Variants in SKP1 observed in about 807,000 individuals in gnomAD.
SKP1 encodes S-phase kinase-associated protein 1.
In SKP1, 1 loss-of-function variant was observed where a neutral mutation model predicts 21.5. That is an observed-to-expected ratio of 0.05 (90% CI 0.02 to 0.22). The LOEUF is 0.22. SKP1 is among the 10% of genes least tolerant of loss of function. The pLI is 1.00. For missense variants in SKP1, 70 were observed against 192.0 expected, an observed-to-expected ratio of 0.36 and a Z score of 3.76; for synonymous variants, 59 against 59.3, an observed-to-expected ratio of 0.99 and a Z score of 0.03.
chr5:134,158,650 CAA>C (rs1561718124), intron 4 of SKP1, 55 bp from the exon 5 acceptor site: 1 of 1,459,720 alleles, frequency 6.9e-7, no homozygotes, highest in Admixed American at 1.7e-5. Flanking sequence ...AAACTAAATC[CAA>C]AGTTAATGAT....
chr5:134,161,241 G>A (rs756865873), intron 3 of SKP1, 111 bp from the exon 4 acceptor site: 46 of 961,786 alleles, frequency 4.8e-5, no homozygotes, highest in Middle Eastern at 2.8e-4. Flanking sequence ...AGGTTGACTT[G>A]AGCCATTAAC....
At chr5:134,164,173 T>C (rs1181668725) in intron 3 of SKP1, among the ~76,000 whole-genome samples, 2 of 151,772 alleles carry the variant, frequency 1.3e-5, no homozygotes, top group African/African-American at 4.8e-5. Flanking sequence ...ATACAAAAAA[T>C]TAGCCGGGCG....
intron 4 of SKP1, among the ~76,000 whole-genome samples, chr5:134,159,701 C>T (rs917198194): frequency 6.6e-6 from 1 of 152,194 alleles, no homozygotes; most frequent in Non-Finnish European, 1.5e-5. Context: ...GTTCCTGCCA[C>T]CCCACCCGGC....
intron 2 of SKP1, among the ~76,000 whole-genome samples, chr5:134,167,909 T>C (rs1308378880): frequency 2.6e-5 from 4 of 152,218 alleles, no homozygotes; most frequent in Admixed American, 2.6e-4. Context: ...GACTTGAGTA[T>C]TGGTGGATTT....
At position 134,155,118 on chromosome 5, in the gene SKP1, T is replaced by G. The variant is rs1175831597; in HGVS notation, c.*2615A>C. ...AGATCTATAAAACCGTAGTACCTATTTCCAACTTGCCCAAGGCCATGAAGA... is the reference window on the plus strand; with the variant it reads ...AGATCTATAAAACCGTAGTACCTATGTCCAACTTGCCCAAGGCCATGAAGA... On this transcript the variant is annotated 3_prime_UTR_variant, in exon 6 of 6. Transcript: ENST00000353411. 6.6e-6 allele frequency: 1 copy of G among 152,214 alleles called. No individual in the cohort carries two copies. Among genetic ancestry groups the G allele is most frequent in the Non-Finnish European group, 1.5e-5 (1 of 68,046 alleles). The allele number at this position is 152,214 out of a possible 1,614,324, so 9.4% of individuals were successfully genotyped here.
chr5:134,150,792 C>T lies in SKP1; in HGVS notation c.*6941G>A, dbSNP rs560241509. On this transcript the variant is annotated 3_prime_UTR_variant, in exon 6 of 6. Transcript: ENST00000353411. ...ATGGGCATCTTTCAAATTCTGACTC[C>T]TGAGCTCTTCTCTAATAGTTTGGAG... The T allele has an allele frequency of 5.9e-5, 9 of 152,330 alleles. No individual in the cohort carries two copies. Among genetic ancestry groups the T allele is most frequent in the African/African-American group, 1.9e-4 (8 of 41,566 alleles). 9.4% of individuals were successfully genotyped at this position (152,330 alleles called of 1,614,324 possible). A position where few individuals can be genotyped will look rare whatever the true frequency, so the allele number is the denominator to read the frequency against.
chr5:134,166,333 A>G (rs1761330413), intron 3 of SKP1, among the ~76,000 whole-genome samples: 1 of 151,992 alleles, frequency 6.6e-6, no homozygotes, highest in African/African-American at 2.4e-5. Flanking sequence ...CTGTGATCCC[A>G]GCACTTTGCG....
At chr5:134,158,616 T>C (rs1439611642) in intron 4 of SKP1, 21 bp from the exon 5 acceptor site, 2 of 1,607,134 alleles carry the variant, frequency 1.2e-6, no homozygotes, top group Admixed American at 1.7e-5. Context: ...ACAGTTGTTT[T>C]CCTTAAAGTA....
intron 5 of SKP1, chr5:134,157,999 CTA>C: frequency 6.7e-7 from 1 of 1,503,052 alleles, no homozygotes; most frequent in Non-Finnish European, 8.9e-7. Flanking sequence ...GGGCAATTTA[CTA>C]AAGTTGACAG....
intron 2 of SKP1, among the ~76,000 whole-genome samples, chr5:134,172,784 G>T (rs373038725): frequency 6.6e-6 from 1 of 152,000 alleles, no homozygotes; most frequent in South Asian, 2.1e-4. Flanking sequence ...AGCCTCAGGC[G>T]GGTGGATCGC....
chr5:134,173,690 GT>G, intron 2 of SKP1: 1 of 599,702 alleles, frequency 1.7e-6, no homozygotes, highest in Non-Finnish European at 3.1e-6. Context: ...TCACTTCAAT[GT>G]TTATTTTACC....
chr5:134,159,475 G>C (rs1032047827), intron 4 of SKP1, among the ~76,000 whole-genome samples: 1 of 151,894 alleles, frequency 6.6e-6, no homozygotes, highest in African/African-American at 2.4e-5. Context: ...CTACCTCCTA[G>C]GTTCAGCCAA....
chr5:134,159,521 C>T (rs1337784311), intron 4 of SKP1, among the ~76,000 whole-genome samples: 1 of 151,660 alleles, frequency 6.6e-6, no homozygotes, highest in Non-Finnish European at 1.5e-5. Flanking sequence ...GCTGGGATTA[C>T]AGGTGGGTGC....
chr5:134,163,522 G>A (rs1232209752), intron 3 of SKP1, among the ~76,000 whole-genome samples: 1 of 151,624 alleles, frequency 6.6e-6, no homozygotes, highest in African/African-American at 2.4e-5. Flanking sequence ...GGGTGTGGTG[G>A]CCCACACCTA....
chr5:134,167,948 A>G (rs1055645853), intron 2 of SKP1, among the ~76,000 whole-genome samples: 2 of 152,234 alleles, frequency 1.3e-5, no homozygotes, highest in African/African-American at 2.4e-5. Context: ...CCTGAAACCA[A>G]TCCCCCATGG....
intron 4 of SKP1, among the ~76,000 whole-genome samples, chr5:134,159,084 T>C (rs896080017): frequency 1.3e-5 from 2 of 152,262 alleles, no homozygotes; most frequent in African/African-American, 4.8e-5. Flanking sequence ...CATCTTTTAC[T>C]AGTTTAAGGT....
At chr5:134,161,176 T>A (rs1403424458) in intron 3 of SKP1, 46 bp from the exon 4 acceptor site, 1 of 1,520,234 alleles carries the variant, frequency 6.6e-7, no homozygotes, top group Admixed American at 1.9e-5. Flanking sequence ...TGTCACAAGG[T>A]ACTCATTCCA....
intron 3 of SKP1, among the ~76,000 whole-genome samples, chr5:134,165,381 G>GC (rs1761309220): frequency 1.3e-5 from 2 of 151,902 alleles, no homozygotes; most frequent in South Asian, 4.2e-4. Context: ...CCTGAGGTGA[G>GC]GAGTTCAAGA....
intron 3 of SKP1, among the ~76,000 whole-genome samples, chr5:134,164,228 AG>A (rs1332894150): frequency 6.6e-6 from 1 of 151,196 alleles, no homozygotes; most frequent in African/African-American, 2.4e-5. Context: ...CTGAAGCAGG[AG>A]AACTGCTTAA....
Sources: allele counts gnomAD v4.1 joint callset (sites outside exome capture counted in the v4.1 genomes callset), GRCh38; gene constraint gnomAD v4.1.1; transcripts MANE v1.5; gene names NCBI Gene and HGNC (gene_info 2026-07-23, HGNC 2026-07-21).